Variants in CDH18 observed in about 807,000 individuals in gnomAD.
The protein encoded by CDH18 is cadherin-18.
In CDH18, 31 loss-of-function variants were observed where a neutral mutation model predicts 67.9. The observed-to-expected ratio is 0.46, with a 90% CI of 0.34 to 0.62. The LOEUF (loss-of-function observed/expected upper bound fraction) is 0.62, where lower values mean the gene tolerates loss of function less well. CDH18 is among the 20% of genes least tolerant of loss of function. The pLI, the probability that CDH18 is intolerant of heterozygous loss-of-function variation, is 0.01. For synonymous variants in CDH18, 362 were observed against 347.2 expected, an observed-to-expected ratio of 1.04 and a Z score of -0.48; for missense variants, 890 against 975.5, an observed-to-expected ratio of 0.91 and a Z score of 1.17.
intron 1 of CDH18, among the ~76,000 whole-genome samples, chr5:20,437,719 T>C (rs1418076565): frequency 6.6e-6 from 1 of 151,456 alleles, no homozygotes; most frequent in Non-Finnish European, 1.5e-5. Context: ...AAAATAACTT[T>C]CCTAATTTCA....
chr5:20,083,041 C>T (rs996160375), intron 2 of CDH18, among the ~76,000 whole-genome samples: 1 of 152,150 alleles, frequency 6.6e-6, no homozygotes, highest in African/African-American at 2.4e-5. Context: ...CATACCCTTT[C>T]CCAAGATGTG....
rs141976993 is a variant in CDH18 at position 20,200,452 on chromosome 5, T to C, written c.-518+54992A>G. On this transcript the variant is annotated intron_variant, in intron 2 of 14. Coordinates refer to the CDH18 transcript ENST00000507958. ...ACTTTGGGAAGTCAAGGCAGGCAGA[T>C]GTCTTGAGCTCAGGAGTTCAAGACC... Among the ~76,000 whole-genome samples the C allele has an allele frequency of 1.4e-3, 210 of 152,302 alleles. 2 individuals carry two copies. Among genetic ancestry groups the C allele is most frequent in the South Asian group, 4.8e-3 (23 of 4,822 alleles).
At chr5:19,529,294 G>A (rs1015679350) in intron 9 of CDH18, among the ~76,000 whole-genome samples, 17 of 151,934 alleles carry the variant, frequency 1.1e-4, no homozygotes, top group African/African-American at 4.1e-4. Flanking sequence ...TTTTTAACAA[G>A]AAATAAAGAA....
At chr5:20,362,583 C>G (rs116233082) in intron 1 of CDH18, among the ~76,000 whole-genome samples, 232 of 152,144 alleles carry the variant, frequency 1.5e-3, no homozygotes, top group African/African-American at 5.0e-3. Flanking sequence ...AGATCACTGA[C>G]AAGCTACAAA....
intron 2 of CDH18, among the ~76,000 whole-genome samples, chr5:20,005,415 TACAC>T (rs3065076): frequency 0.14 from 20,050 of 147,060 alleles, 1,842 homozygotes; most frequent in African/African-American, 0.27. Context: ...TATATATATG[TACAC>T]ACACACACAC....
At chr5:19,995,753 C>T (rs188138954) in intron 2 of CDH18, among the ~76,000 whole-genome samples, 1 of 152,156 alleles carries the variant, frequency 6.6e-6, no homozygotes, top group South Asian at 2.1e-4. Flanking sequence ...GCTTCCTGTG[C>T]TTCCCTTATA....
intron 2 of CDH18, among the ~76,000 whole-genome samples, chr5:20,134,526 T>G (rs1265504591): frequency 1.3e-5 from 2 of 152,174 alleles, no homozygotes; most frequent in African/African-American, 2.4e-5. Context: ...GTAACATCTT[T>G]TATATTTTTC....
chr5:19,565,284 G>C (rs960648213), intron 8 of CDH18, among the ~76,000 whole-genome samples: 1 of 152,160 alleles, frequency 6.6e-6, no homozygotes. Flanking sequence ...TGCAGTCTTG[G>C]TATTGGTGGC....
chr5:20,287,098 C>G (rs1353195778), intron 1 of CDH18, among the ~76,000 whole-genome samples: 1 of 151,680 alleles, frequency 6.6e-6, no homozygotes, highest in African/African-American at 2.4e-5. Flanking sequence ...TTATCATTTT[C>G]GTGCATGAAC....
At chr5:20,447,276 G>A (rs1750072449) in intron 1 of CDH18, among the ~76,000 whole-genome samples, 1 of 151,552 alleles carries the variant, frequency 6.6e-6, no homozygotes, top group South Asian at 2.1e-4. Context: ...AAATTCAAAT[G>A]TTGAAACTTA....
chr5:20,038,507 C>T (rs1213343482), intron 2 of CDH18, among the ~76,000 whole-genome samples: 5 of 152,060 alleles, frequency 3.3e-5, no homozygotes, highest in Admixed American at 6.6e-5. Flanking sequence ...ACGATCAAGT[C>T]GACTTCATCC....
chr5:19,930,839 A>T (rs981292443), intron 2 of CDH18, among the ~76,000 whole-genome samples: 2 of 152,076 alleles, frequency 1.3e-5, no homozygotes, highest in African/African-American at 4.8e-5. Flanking sequence ...AAAAATCAAG[A>T]AACAGTCAAA....
At chr5:19,923,681 G>A (rs544186200) in intron 2 of CDH18, among the ~76,000 whole-genome samples, 11 of 152,154 alleles carry the variant, frequency 7.2e-5, no homozygotes, top group Admixed American at 6.5e-4. Flanking sequence ...CTCTAACTCA[G>A]AACAAACAAC....
chr5:20,218,740 C>T (rs1296690415), intron 2 of CDH18, among the ~76,000 whole-genome samples: 1 of 151,888 alleles, frequency 6.6e-6, no homozygotes, highest in African/African-American at 2.4e-5. Context: ...TTGCCACCAC[C>T]AAGTAAGAAG....
intron 5 of CDH18, among the ~76,000 whole-genome samples, chr5:19,618,562 A>G (rs1029752108): frequency 1.3e-5 from 2 of 152,040 alleles, no homozygotes; most frequent in Admixed American, 1.3e-4. Flanking sequence ...TTTAACATCT[A>G]TTATTTTACA....
intron 1 of CDH18, among the ~76,000 whole-genome samples, chr5:20,351,181 TGTGTGTGTGTGC>T (rs1376837044): frequency 1.4e-5 from 2 of 143,250 alleles, no homozygotes; most frequent in East Asian, 2.4e-4. Flanking sequence ...TGTGTGTGTG[TGTGTGTGTGTGC>T]GTGTGTGTTA....
chr5:19,475,105 T>A (rs1159067234), intron 12 of CDH18, among the ~76,000 whole-genome samples: 1 of 151,890 alleles, frequency 6.6e-6, no homozygotes, highest in Non-Finnish European at 1.5e-5. Context: ...GGGAGGTACA[T>A]TCGATTGACA....
chr5:20,342,732 G>A (rs984084626), intron 1 of CDH18, among the ~76,000 whole-genome samples: 4 of 152,174 alleles, frequency 2.6e-5, no homozygotes, highest in Non-Finnish European at 4.4e-5. Flanking sequence ...ATTTAATGTT[G>A]CAGGTCAGGG....
intron 5 of CDH18, among the ~76,000 whole-genome samples, chr5:19,699,217 C>G (rs1762903373): frequency 6.6e-6 from 1 of 152,112 alleles, no homozygotes; most frequent in South Asian, 2.1e-4. Context: ...TCTTATTACA[C>G]TCATATTTTG....
Sources: allele counts gnomAD v4.1 joint callset (sites outside exome capture counted in the v4.1 genomes callset), GRCh38; gene constraint gnomAD v4.1.1; transcripts MANE v1.5; gene names NCBI Gene and HGNC (gene_info 2026-07-23, HGNC 2026-07-21).